ARHGEF18: variants seen among roughly 807,000 people sequenced by gnomAD.
ARHGEF18 encodes the protein Rho/Rac guanine nucleotide exchange factor 18, also known as rho guanine nucleotide exchange factor 18.
A neutral mutation model predicts 155.7 loss-of-function variants in ARHGEF18; 93 were observed. The observed-to-expected ratio is 0.60, with a 90% CI of 0.50 to 0.71. The LOEUF is 0.71. Ranked by LOEUF, ARHGEF18 falls within the 30% of genes least tolerant of loss-of-function variation. The pLI is 0.00. For synonymous variants in ARHGEF18, 742 were observed against 753.1 expected (o/e 0.99, Z 0.24); for missense variants, 1,593 against 1,816.1 (o/e 0.88, Z 2.23).
intron 10 of ARHGEF18, among the ~76,000 whole-genome samples, chr19:7,407,139 C>T (rs1465869729): frequency 1.3e-5 from 2 of 149,616 alleles, no homozygotes; most frequent in African/African-American, 2.5e-5. Flanking sequence ...AGAAACCAAC[C>T]ACTGGCCAGG....
At position 7,366,787 on chromosome 19, in the gene ARHGEF18, G is replaced by A. The variant is rs556507863; in HGVS notation, c.15+3882G>A. Among the ~76,000 whole-genome samples, 9 of 152,068 alleles carry A rather than the reference G, an allele frequency of 5.9e-5. No individual in the cohort carries two copies. The East Asian group carries it at 1.2e-3, about 20-fold the overall frequency. ...AATTTAATTATTTATTTGTAGAGAC[G>A]GGGTCTTCTCTGTCACCCAGGTTGG... On this transcript the variant is annotated intron_variant, in intron 2 of 28. Coordinates refer to ENST00000668164, the MANE Select transcript of ARHGEF18 (RefSeq NM_001367823.1).
intron 10 of ARHGEF18, among the ~76,000 whole-genome samples, chr19:7,428,333 C>T (rs776097545): frequency 1.1e-4 from 17 of 152,274 alleles, no homozygotes; most frequent in Admixed American, 5.2e-4. Context: ...CGCCCACTTG[C>T]TTCCTGGCTA....
chr19:7,471,576 G>C lies in ARHGEF18; in HGVS notation c.*1278G>C, dbSNP rs1363570527. ...GTCCTTCTCCCGAACCCAGGGTCCT[G>C]GGAACTGCAGATCCCGGGGGGATTC... On this transcript the variant is annotated 3_prime_UTR_variant, in exon 29 of 29. Coordinates refer to ENST00000668164, the MANE Select transcript of ARHGEF18 (RefSeq NM_001367823.1). The surrounding 1 kb of genome is among the most constrained non-coding windows in gnomAD (Gnocchi z 4.4). The C allele has an allele frequency of 6.6e-6, 1 of 152,458 alleles. No homozygotes were observed. Among genetic ancestry groups the C allele is most frequent in the East Asian group, 1.9e-4 (1 of 5,192 alleles). The allele number at this position is 152,458 out of a possible 1,614,324, so 9.4% of individuals were successfully genotyped here. A position where few individuals can be genotyped will look rare whatever the true frequency, so the allele number is the denominator to read the frequency against.
intron 10 of ARHGEF18, among the ~76,000 whole-genome samples, chr19:7,399,705 T>G (rs542964304): frequency 6.6e-6 from 1 of 151,958 alleles, no homozygotes; most frequent in East Asian, 1.9e-4. Context: ...TGGTCTCGAT[T>G]TCCTGACCTC....
In ARHGEF18 at chr19:7,444,008, C is replaced by T. The variant is rs888995420; in HGVS notation, c.1361-196C>T. Among the ~76,000 whole-genome samples the T allele has an allele frequency of 6.6e-6, 1 of 152,208 alleles. No homozygotes were observed. The highest frequency in any genetic ancestry group is 2.4e-5 in the African/African-American group (1 of 41,458). Reference sequence around the variant, plus strand: ...GGCCCAGGGTTCTCTCCTTCCCCTGCTCCTTCAGGCTGGGATCCCCCGCAG... The same window carrying T: ...GGCCCAGGGTTCTCTCCTTCCCCTGTTCCTTCAGGCTGGGATCCCCCGCAG... On this transcript the variant is annotated intron_variant, in intron 13 of 28. Transcript: ENST00000668164. This position sits in a 1 kb window ranked among gnomAD's most constrained non-coding sequence, Gnocchi z 4.7.
intron 10 of ARHGEF18, among the ~76,000 whole-genome samples, chr19:7,411,698 A>G (rs932343210): frequency 6.6e-6 from 1 of 152,046 alleles, no homozygotes; most frequent in Non-Finnish European, 1.5e-5. Flanking sequence ...CATCACCACC[A>G]TCCATCTCTA....
Position 7,362,842 on chromosome 19 carries a change from G to C in ARHGEF18, c.-49G>C. 8.1e-7 allele frequency: 1 copy of C among 1,234,334 alleles called. No individual in the cohort carries two copies. Among genetic ancestry groups the C allele is most frequent in the Non-Finnish European group, 1.0e-6 (1 of 988,180 alleles). The allele number at this position is 1,234,334 out of a possible 1,614,324, so 76.5% of individuals were successfully genotyped here. ...CTGGAGCTGTGGCTTCAGCCACCAA[G>C]AGCAGCAGTGGATCCTGGAAACCTG... On this transcript the variant is annotated 5_prime_UTR_variant, in exon 2 of 29. Coordinates refer to ENST00000668164, the MANE Select transcript of ARHGEF18 (RefSeq NM_001367823.1).
In ARHGEF18 at chr19:7,362,092, A is replaced by G. The variant is rs866742365; in HGVS notation, c.-110-689A>G. Among the ~76,000 whole-genome samples the G allele has an allele frequency of 3.5e-3, 68 of 19,640 alleles. 3 individuals are homozygous for G. The East Asian group carries it at 0.064, about 18-fold the overall frequency. 12.9% of individuals were successfully genotyped at this position (19,640 alleles called of 152,430 possible). On this transcript the variant is annotated intron_variant, in intron 1 of 28. Coordinates refer to ENST00000668164, the MANE Select transcript of ARHGEF18 (RefSeq NM_001367823.1). The stretch of plus-strand genomic sequence containing the variant: ...GAAGGAGAAGGAGAAGGAGAAGGAG[A>G]AGGAGAAGGAGAAGGAGAAGGAGAA...
At chr19:7,476,957 T>C (rs914619214), downstream of ARHGEF18, 2 of 412,632 alleles carry the variant, frequency 4.8e-6, no homozygotes, top group Non-Finnish European at 8.5e-6. Context: ...TTGATTTGGA[T>C]ACAAGACGCC....
At chr19:7,354,786 G>A (rs1037146059) in intron 1 of ARHGEF18, among the ~76,000 whole-genome samples, 2 of 152,108 alleles carry the variant, frequency 1.3e-5, no homozygotes, top group Non-Finnish European at 2.9e-5. Context: ...TGTAGTCCTA[G>A]CTACTCAGGA....
chr19:7,377,712 C>A (rs1329999714), intron 5 of ARHGEF18, among the ~76,000 whole-genome samples: 2 of 150,914 alleles, frequency 1.3e-5, no homozygotes, highest in African/African-American at 4.9e-5. Context: ...CACTTAAACC[C>A]AGGAGGTCAA....
rs1970808704 is a variant in ARHGEF18 at position 7,382,785 on chromosome 19, C to T, written c.723-7C>T. 2.4e-6 allele frequency: 3 copies of T among 1,232,192 alleles called. No individual in the cohort carries two copies. Among genetic ancestry groups the T allele is most frequent in the East Asian group, 6.3e-5 (2 of 31,708 alleles). 76.3% of individuals were successfully genotyped at this position (1,232,192 alleles called of 1,614,324 possible). A position where few individuals can be genotyped will look rare whatever the true frequency, so the allele number is the denominator to read the frequency against. ...CCCTCTAGTGGACCTTCCCTCTCGT[C>T]CCTCAGGAGCGAGGACGGTGCTGGC... On this transcript the variant is annotated splice_region_variant and splice_polypyrimidine_tract_variant and intron_variant, in intron 8 of 28. Transcript: ENST00000668164.
intron 10 of ARHGEF18, among the ~76,000 whole-genome samples, chr19:7,384,851 T>C (rs8111248): frequency 0.11 from 17,159 of 151,910 alleles, 1,827 homozygotes; most frequent in African/African-American, 0.28. Context: ...ACCACCATGC[T>C]TGGCTAAGTT....
intron 10 of ARHGEF18, among the ~76,000 whole-genome samples, chr19:7,435,682 A>G (rs1245134704): frequency 4.6e-5 from 7 of 152,180 alleles, no homozygotes; most frequent in Non-Finnish European, 8.8e-5. Context: ...GCAAAGCCCC[A>G]AGATGTCAGA....
rs777017192 is a variant in ARHGEF18 at position 7,462,114 on chromosome 19, C to T, written c.2453-38C>T. ...GGGCTCAGATGATTCCAGGGAAGGC[C>T]GACCCGGCTGACTGCCACCTCCACC... On this transcript the variant is annotated intron_variant, in intron 20 of 28. Transcript: ENST00000668164. The surrounding 1 kb of genome is among the most constrained non-coding windows in gnomAD (Gnocchi z 4.4). The T allele has an allele frequency of 1.2e-5, 19 of 1,612,920 alleles. No homozygotes were observed. The highest frequency in any genetic ancestry group is 2.2e-5 in the East Asian group (1 of 44,866).
chr19:7,438,950 G>A (rs78522267), intron 10 of ARHGEF18, among the ~76,000 whole-genome samples: 7,505 of 151,878 alleles, frequency 0.049, 517 homozygotes, highest in East Asian at 0.16. Context: ...TCCGCTCACT[G>A]CAACCTCCGA....
chr19:7,439,976 A>AC, intron 10 of ARHGEF18: 1 of 1,544,916 alleles, frequency 6.5e-7, no homozygotes, highest in Non-Finnish European at 8.7e-7. Context: ...TGCCCTCCAG[A>AC]CCCGCTGCTT....
rs35712455 is a variant in ARHGEF18 at position 7,458,297 on chromosome 19, T to TAA, written c.2182-193_2182-192dup. 5.4e-3 allele frequency among the ~76,000 whole-genome samples: 495 copies of TAA among 92,222 alleles called. 4 individuals are homozygous for TAA. The highest frequency in any genetic ancestry group is 0.022 in the South Asian group (52 of 2,406). The allele number at this position is 92,222 out of a possible 152,430, so 60.5% of individuals were successfully genotyped here. A position where few individuals can be genotyped will look rare whatever the true frequency, so the allele number is the denominator to read the frequency against. On this transcript the variant is annotated intron_variant, in intron 18 of 28. Transcript: ENST00000668164. ...GCAAGACCTGGCCTCCAAGATAGTT[T>TAA]AAAAAAAAAAAAAAAAAAAAAAAGG...
intron 10 of ARHGEF18, among the ~76,000 whole-genome samples, chr19:7,384,712 G>A (rs967512794): frequency 1.4e-5 from 2 of 142,394 alleles, no homozygotes; most frequent in Non-Finnish European, 3.0e-5. Context: ...TTTTTTTTGC[G>A]ACAGGGTCTC....
Sources: allele counts gnomAD v4.1 joint callset (sites outside exome capture counted in the v4.1 genomes callset), GRCh38; gene constraint gnomAD v4.1.1; non-coding constraint Gnocchi (gnomAD v3.1); transcripts MANE v1.5; gene names NCBI Gene and HGNC (gene_info 2026-07-23, HGNC 2026-07-21).